Variants in CPT1C observed in about 807,000 individuals in gnomAD.
CPT1C encodes carnitine palmitoyltransferase 1C.
Under a neutral mutation model 97.3 loss-of-function variants are expected in CPT1C, and 61 were observed. The ratio of observed to expected loss-of-function variants is 0.63; its 90% CI spans 0.51 to 0.78. The LOEUF is 0.78. Among genes scored for constraint, CPT1C ranks in the 30% least tolerant of loss-of-function variants. The pLI is 0.00. For missense variants in CPT1C, 975 were observed against 1,065.5 expected, an observed-to-expected ratio of 0.92 and a Z score of 1.18; for synonymous variants, 469 against 447.2, an observed-to-expected ratio of 1.05 and a Z score of -0.61.
chr19:49,698,740 T>G (rs776392545), intron 4 of CPT1C, among the ~76,000 whole-genome samples: 5 of 152,102 alleles, frequency 3.3e-5, no homozygotes, highest in Non-Finnish European at 7.4e-5. Context: ...TTGTTGATTG[T>G]CAAGGCCTTC....
chr19:49,700,262 C>CAAAACA (rs199897587), intron 4 of CPT1C, among the ~76,000 whole-genome samples: 115 of 146,330 alleles, frequency 7.9e-4, no homozygotes, highest in Non-Finnish European at 8.1e-4. Context: ...CAAAACAAAA[C>CAAAACA]AAAAAAAAAA....
rs150722393 is a variant in CPT1C, at chr19:49,694,415, A to T, written c.141+2022A>T. Among the ~76,000 whole-genome samples, 799 of 151,486 alleles carry T rather than the reference A, an allele frequency of 5.3e-3. 5 individuals carry two copies. The highest frequency in any genetic ancestry group is 0.018 in the African/African-American group (753 of 41,318). ...GGAAGCCAAGGCAGACAGATCACGAAGTCAGGAGTTCAAGACCAGCCTGGC... is the reference window on the plus strand; with the variant it reads ...GGAAGCCAAGGCAGACAGATCACGATGTCAGGAGTTCAAGACCAGCCTGGC... On this transcript the variant is annotated intron_variant, in intron 3 of 19. Transcript: ENST00000598293.
intron 18 of CPT1C, 28 bp downstream of exon 18, chr19:49,712,877 C>T (rs780040876): frequency 6.2e-6 from 10 of 1,604,544 alleles, no homozygotes; most frequent in Non-Finnish European, 8.5e-6. Context: ...CGCTGGCCCC[C>T]AGAGGAAAGA....
chr19:49,711,576 G>A, intron 16 of CPT1C: 1 of 566,864 alleles, frequency 1.8e-6, no homozygotes, highest in Non-Finnish European at 3.1e-6. Context: ...CATGGAAGGA[G>A]TTTGGACTCT....
At chr19:49,694,099 T>A (rs931617662) in intron 3 of CPT1C, among the ~76,000 whole-genome samples, 16 of 111,398 alleles carry the variant, frequency 1.4e-4, no homozygotes, top group South Asian at 2.8e-4. Flanking sequence ...AATAAATAAA[T>A]AAATAAATAA....
chr19:49,710,693 C>T, intron 15 of CPT1C, 30 bp from the exon 16 acceptor site: 2 of 1,601,342 alleles, frequency 1.2e-6, no homozygotes, highest in South Asian at 1.1e-5. Context: ...GCCCAGCTGA[C>T]AGACTCCTCT....
At chr19:49,704,615 C>A in intron 7 of CPT1C, 95 bp from the exon 8 acceptor site, 2 of 927,622 alleles carry the variant, frequency 2.2e-6, no homozygotes, top group South Asian at 1.4e-5. Flanking sequence ...ATCCTCCCTG[C>A]CTGACGCAGG....
intron 3 of CPT1C, chr19:49,696,562 G>C (rs1180532922): frequency 6.6e-6 from 1 of 150,586 alleles, no homozygotes; most frequent in Admixed American, 6.7e-5. Flanking sequence ...CTGGGCTCAA[G>C]CGATCCTCCT....
chr19:49,705,088 C>G lies in CPT1C; in HGVS notation c.853C>G (p.Arg285Gly). The G allele has an allele frequency of 6.2e-7, 1 of 1,614,006 alleles. No individual in the cohort carries two copies. Among genetic ancestry groups the G allele is most frequent in the Non-Finnish European group, 8.5e-7 (1 of 1,179,960 alleles). Residue 285 changes from arginine (R) to glycine (G), a missense_variant, in exon 9 of 20, where the codon CGC (arginine) becomes GGC (glycine). Arg to Gly is a moderately radical substitution (Grantham distance 125). Around this residue, in one of 3 missense-constraint regions of CPT1C, gnomAD observed 596 missense variants for 603.1 expected, o/e 0.99. Transcript: ENST00000598293. ...AVHALLLYRH[R>G]LNRQEIPPTL... The stretch of plus-strand genomic sequence containing the variant: ...CCATGCCCTCCTCCTGTACCGCCAC[C>G]GCCTGAACCGCCAGGAGATACCCCC...
At chr19:49,701,286 G>C (rs1568516974) in intron 5 of CPT1C, 31 bp from the exon 6 acceptor site, 2 of 1,585,832 alleles carry the variant, frequency 1.3e-6, no homozygotes, top group African/African-American at 2.7e-5. Context: ...TCCGGTGAGG[G>C]GTTAATGACC....
intron 7 of CPT1C, among the ~76,000 whole-genome samples, chr19:49,704,353 G>T (rs1374099077): frequency 6.6e-6 from 1 of 152,128 alleles, no homozygotes; most frequent in Non-Finnish European, 1.5e-5. Flanking sequence ...TGTATTTTTA[G>T]TAGAGACAGG....
rs113770380 is a variant in CPT1C at position 49,692,322 on chromosome 19, A to G, written c.70A>G (p.Ser24Gly). Residue 24 changes from serine to glycine, a missense_variant, in exon 3 of 20, where the codon AGT becomes GGT. Transcript: ENST00000598293. ...LTSDGAEVEL[S>G]APVLQEIYLS... ...CTCGGACGGGGCTGAAGTGGAACTCAGTGCCCCTGTGCTGCAGGAGATCTA... is the reference window on the plus strand; with the variant it reads ...CTCGGACGGGGCTGAAGTGGAACTCGGTGCCCCTGTGCTGCAGGAGATCTA... 1.4e-5 allele frequency: 23 copies of G among 1,614,004 alleles called. 1 individual carries two copies. Among genetic ancestry groups the G allele is most frequent in the Middle Eastern group, 1.6e-4 (1 of 6,084 alleles).
At chr19:49,699,528 G>A (rs1190195609) in intron 4 of CPT1C, among the ~76,000 whole-genome samples, 2 of 149,472 alleles carry the variant, frequency 1.3e-5, no homozygotes, top group Non-Finnish European at 3.0e-5. Context: ...GTCTACAGAG[G>A]GAAAGTGATT....
At position 49,700,713 on chromosome 19, in the gene CPT1C, T is replaced by G. The variant is rs1219296619; in HGVS notation, c.311T>G (p.Val104Gly). The G allele has an allele frequency of 4.3e-6, 7 of 1,610,294 alleles. No individual in the cohort carries two copies. Among genetic ancestry groups the G allele is most frequent in the Non-Finnish European group, 5.1e-6 (6 of 1,179,916 alleles). Residue 104 changes from valine (V) to glycine (G), a missense_variant, in exon 5 of 20, where the codon GTC (valine) becomes GGC (glycine). This residue lies in a region of CPT1C where 596 missense variants were observed against 603.1 expected (regional missense o/e 0.99). Coordinates refer to ENST00000598293, the MANE Select transcript of CPT1C (RefSeq NM_001199753.2). ...GGACAACACCACGGGCTCCGGGGGG[T>G]CCTGGCAGCCGCGCTGTTTGCCTCG... Reference protein sequence around the residue: ...WGGQHHGLRGVLAAALFASCL... With the variant: ...WGGQHHGLRGGLAAALFASCL...
intron 16 of CPT1C, 142 bp from the exon 17 acceptor site, chr19:49,711,667 C>T: frequency 1.2e-6 from 1 of 852,934 alleles, no homozygotes; most frequent in Non-Finnish European, 1.8e-6. Flanking sequence ...CTCTAAGCCT[C>T]AGTTCCCCAT....
chr19:49,706,467 C>G lies in CPT1C; in HGVS notation c.1343+54C>G, dbSNP rs1005527341. 13 of 1,396,278 alleles carry G rather than the reference C, an allele frequency of 9.3e-6. No homozygotes were observed. Among genetic ancestry groups the G allele is most frequent in the Non-Finnish European group, 1.2e-5 (13 of 1,074,638 alleles). 86.5% of individuals were successfully genotyped at this position (1,396,278 alleles called of 1,614,324 possible). A position where few individuals can be genotyped will look rare whatever the true frequency, so the allele number is the denominator to read the frequency against. On this transcript the variant is annotated intron_variant, in intron 12 of 19. Transcript: ENST00000598293. This position sits in a 1 kb window ranked among gnomAD's most constrained non-coding sequence, Gnocchi z 4.8. ...GATGTGGCACCCGAGAATCCAGTAT[C>G]AGACCTAGGACCCCTGACAGTAGAC...
At chr19:49,694,618 G>C (rs2082552453) in intron 3 of CPT1C, among the ~76,000 whole-genome samples, 1 of 137,284 alleles carries the variant, frequency 7.3e-6, no homozygotes, top group African/African-American at 2.8e-5. Context: ...GACAGAGCAA[G>C]ACTCCGTTTC....
chr19:49,702,279 A>C (rs1030481405), intron 7 of CPT1C, among the ~76,000 whole-genome samples: 2 of 148,318 alleles, frequency 1.3e-5, no homozygotes, highest in African/African-American at 5.0e-5. Flanking sequence ...TAGATGCTCC[A>C]GTATTCTGAG....
At position 49,707,594 on chromosome 19, in the gene CPT1C, G is replaced by A. The variant is rs959517123; in HGVS notation, c.1420G>A (p.Asp474Asn). The change falls in exon 13 of 20, where the codon GAC becomes AAC. Residue 474 changes from aspartate to asparagine, a missense_variant. Coordinates refer to ENST00000598293, the MANE Select transcript of CPT1C (RefSeq NM_001199753.2). ...CCTCAGCGTGGAGCACTCCTGGGCCGACTGCCCCATCTCAGGACACATGTG... is the reference window on the plus strand; with the variant it reads ...CCTCAGCGTGGAGCACTCCTGGGCCAACTGCCCCATCTCAGGACACATGTG... The part of the protein sequence containing the change: ...LGLSVEHSWA[D>N]CPISGHMWEF... The A allele has an allele frequency of 3.1e-6, 5 of 1,612,634 alleles. No individual in the cohort carries two copies. Among genetic ancestry groups the A allele is most frequent in the Non-Finnish European group, 4.2e-6 (5 of 1,179,412 alleles).
Sources: gnomAD v4.1 joint callset for allele counts (sites outside exome capture counted in the v4.1 genomes callset) on GRCh38, gnomAD v4.1.1 for gene constraint, gnomAD v4.1.1 regional missense constraint, Gnocchi (gnomAD v3.1) non-coding constraint, MANE v1.5 for transcripts, NCBI Gene and HGNC (gene_info 2026-07-23, HGNC 2026-07-21) for gene names.